The following TBXAS1 variants were observed in gnomAD, a reference collection of about 807,000 sequenced individuals.
TBXAS1 encodes thromboxane-A synthase.
In TBXAS1, 48 loss-of-function variants were observed where a neutral mutation model predicts 60.7. The observed-to-expected ratio is 0.79, with a 90% CI of 0.63 to 1.01. TBXAS1 has a LOEUF of 1.01. Among genes scored for constraint, TBXAS1 ranks in the 50% least tolerant of loss-of-function variants. The pLI, the probability that TBXAS1 is intolerant of heterozygous loss-of-function variation, is 0.00. For synonymous variants in TBXAS1, 287 were observed against 269.7 expected (o/e 1.06, Z -0.63); for missense variants, 685 against 686.3 (o/e 1.00, Z 0.02).
chr7:139,978,550 A>T (rs1298154599), intron 9 of TBXAS1, among the ~76,000 whole-genome samples: 1 of 152,102 alleles, frequency 6.6e-6, no homozygotes, highest in South Asian at 2.1e-4. Flanking sequence ...GAAGAATAAT[A>T]AGAATTATCA....
rs1297850656 is a variant in TBXAS1, at chr7:139,952,012, AAAAG to A, written c.451-1351_451-1348del. Reference sequence around the variant, plus strand: ...AAAGAAAGAAAGAAAGAAAGAAAGAAAAAGAAAGGAAGGAAGGAGGGAAGGAAGG... The same window carrying A: ...AAAGAAAGAAAGAAAGAAAGAAAGAAAAAGGAAGGAAGGAGGGAAGGAAGG... On this transcript the variant is annotated intron_variant, in intron 5 of 12. Transcript: ENST00000448866. Among the ~76,000 whole-genome samples, 29 of 111,356 alleles carry A rather than the reference AAAAG, an allele frequency of 2.6e-4. 9 individuals are homozygous for A. Among genetic ancestry groups the A allele is most frequent in the African/African-American group, 9.1e-4 (29 of 31,846 alleles). 73.1% of individuals were successfully genotyped at this position (111,356 alleles called of 152,430 possible). A position where few individuals can be genotyped will look rare whatever the true frequency, so the allele number is the denominator to read the frequency against.
intron 4 of TBXAS1, among the ~76,000 whole-genome samples, chr7:139,912,204 C>T (rs1805581135): frequency 6.6e-6 from 1 of 151,892 alleles, no homozygotes; most frequent in Admixed American, 6.6e-5. Flanking sequence ...GCTGAGATCG[C>T]GCCACTGCAC....
At chr7:139,910,073 T>C (rs1238147742) in intron 3 of TBXAS1, among the ~76,000 whole-genome samples, 1 of 152,114 alleles carries the variant, frequency 6.6e-6, no homozygotes, top group Non-Finnish European at 1.5e-5. Flanking sequence ...AAGCCTTCAG[T>C]CTCTTTTCTC....
At chr7:139,957,596 C>G in intron 7 of TBXAS1, 38 bp from the exon 8 acceptor site, 1 of 1,613,652 alleles carries the variant, frequency 6.2e-7, no homozygotes, top group Non-Finnish European at 8.5e-7. Context: ...TTTATTATCA[C>G]CCCCTTTTCA....
intron 3 of TBXAS1, among the ~76,000 whole-genome samples, chr7:139,882,652 C>A (rs1265114740): frequency 6.6e-6 from 1 of 152,082 alleles, no homozygotes; most frequent in Non-Finnish European, 1.5e-5. Flanking sequence ...AAACACAATA[C>A]CCTTGAAACA....
At chr7:139,793,417 A>T (rs1479578876) in intron 4 of TBXAS1, among the ~76,000 whole-genome samples, 5 of 145,906 alleles carry the variant, frequency 3.4e-5, no homozygotes, top group African/African-American at 7.5e-5. Context: ...AGAATCCATT[A>T]AAAAAAAAAA....
chr7:140,004,239 C>T lies in TBXAS1; in HGVS notation c.1135-2852C>T, dbSNP rs1270114878. On this transcript the variant is annotated intron_variant, in intron 9 of 12. Transcript: ENST00000448866. This position sits in a 1 kb window ranked among gnomAD's most constrained non-coding sequence, Gnocchi z 5.1. ...CAGTGAGAAATAAAAGCGTGGTAGCCTTTATTCCCAAAGCAGGGGGACGTG... is the reference window on the plus strand; with the variant it reads ...CAGTGAGAAATAAAAGCGTGGTAGCTTTTATTCCCAAAGCAGGGGGACGTG... 6.6e-6 allele frequency among the ~76,000 whole-genome samples: 1 copy of T among 152,210 alleles called. No individual in the cohort carries two copies. The highest frequency in any genetic ancestry group is 1.5e-5 in the Non-Finnish European group (1 of 68,024).
At chr7:139,789,109 C>G (rs1797293965) in intron 4 of TBXAS1, among the ~76,000 whole-genome samples, 1 of 152,218 alleles carries the variant, frequency 6.6e-6, no homozygotes, top group Non-Finnish European at 1.5e-5. Flanking sequence ...GGGTGTCATT[C>G]TCACTTTGTT....
At chr7:139,805,958 G>A (rs929726347) in intron 4 of TBXAS1, among the ~76,000 whole-genome samples, 1 of 108,052 alleles carries the variant, frequency 9.3e-6, no homozygotes, top group Non-Finnish European at 1.8e-5. Context: ...TTTTTGAGAT[G>A]GAGTCTCGCT....
chr7:139,961,811 A>C (rs751319923), intron 8 of TBXAS1, 108 bp from the exon 9 acceptor site: 221 of 1,353,974 alleles, frequency 1.6e-4, no homozygotes, highest in Admixed American at 3.8e-5. Flanking sequence ...GTTGCTACTG[A>C]GCTCTTCAAA....
At chr7:140,006,301 TG>T (rs1367579239) in intron 9 of TBXAS1, among the ~76,000 whole-genome samples, 2 of 152,152 alleles carry the variant, frequency 1.3e-5, no homozygotes, top group Non-Finnish European at 2.9e-5. Context: ...CAAGAGCTCA[TG>T]GGCACGTGTT....
chr7:139,897,477 A>C (rs933803697), intron 3 of TBXAS1, among the ~76,000 whole-genome samples: 1 of 152,120 alleles, frequency 6.6e-6, no homozygotes, highest in Non-Finnish European at 1.5e-5. Context: ...TTCAGTAAAG[A>C]AGCAGCATAC....
At chr7:139,838,573 T>C (rs1799217638) in intron 1 of TBXAS1, among the ~76,000 whole-genome samples, 1 of 152,226 alleles carries the variant, frequency 6.6e-6, no homozygotes. Flanking sequence ...TATCCTTTCT[T>C]ATCCTGTAGA....
intron 3 of TBXAS1, among the ~76,000 whole-genome samples, chr7:139,900,121 C>T (rs1057435258): frequency 5.3e-5 from 8 of 152,168 alleles, no homozygotes; most frequent in Admixed American, 5.2e-4. Flanking sequence ...GAAGAATCTA[C>T]AACCTCTGCA....
intron 1 of TBXAS1, among the ~76,000 whole-genome samples, chr7:139,868,945 G>A (rs997070973): frequency 2.6e-5 from 4 of 151,636 alleles, no homozygotes; most frequent in Non-Finnish European, 4.4e-5. Context: ...GAGCCACCAC[G>A]ACCAGGCTCA....
At chr7:139,855,280 A>G (rs1348915835) in intron 1 of TBXAS1, among the ~76,000 whole-genome samples, 3 of 152,294 alleles carry the variant, frequency 2.0e-5, no homozygotes, top group South Asian at 4.1e-4. Flanking sequence ...GACAGGTATC[A>G]AAGTCCTTTT....
In TBXAS1 at chr7:139,864,945, T is replaced by C. The variant is rs548178597; in HGVS notation, c.90-7290T>C. Among the ~76,000 whole-genome samples the C allele has an allele frequency of 6.0e-4, 92 of 152,280 alleles. 2 individuals carry two copies. Among genetic ancestry groups the C allele is most frequent in the Admixed American group, 5.7e-3 (87 of 15,272 alleles). ...GCTTCTCAAGTACCTGGAAAGGAGG[T>C]ACTCTAGGAAGGAGATGTCCGATTC... On this transcript the variant is annotated intron_variant, in intron 1 of 12. Transcript: ENST00000448866.
At chr7:139,892,030 A>G (rs1388908110) in intron 3 of TBXAS1, among the ~76,000 whole-genome samples, 1 of 152,202 alleles carries the variant, frequency 6.6e-6, no homozygotes, top group Non-Finnish European at 1.5e-5. Flanking sequence ...CTTGGGATCC[A>G]AAAGATAAAA....
chr7:139,875,805 A>C, intron 3 of TBXAS1, 168 bp downstream of exon 3: 6 of 880,300 alleles, frequency 6.8e-6, no homozygotes, highest in Non-Finnish European at 1.1e-5. Flanking sequence ...AGTACAGACA[A>C]GGCTTCTAGA....
Sources: allele counts gnomAD v4.1 joint callset (sites outside exome capture counted in the v4.1 genomes callset), GRCh38; gene constraint gnomAD v4.1.1; non-coding constraint Gnocchi (gnomAD v3.1); transcripts MANE v1.5; gene names NCBI Gene and HGNC (gene_info 2026-07-23, HGNC 2026-07-21).